FAM83H: variants seen among roughly 807,000 people sequenced by gnomAD.
FAM83H encodes the protein scaffolding CK1 anchoring protein H, also known as protein FAM83H.
Under a neutral mutation model 30.2 loss-of-function variants are expected in FAM83H, and 24 were observed. That is an observed-to-expected ratio of 0.79 (90% confidence interval 0.57 to 1.12). The LOEUF (loss-of-function observed/expected upper bound fraction) is 1.12. Among genes scored for constraint, FAM83H ranks in the 50% most tolerant of loss-of-function variants. FAM83H has a pLI of 0.00. For synonymous variants in FAM83H, 1,013 were observed against 821.7 expected (o/e 1.23, Z -3.98); for missense variants, 2,038 against 1,773.9 (o/e 1.15, Z -2.67).
In FAM83H at chr8:143,728,584, G is replaced by A. The variant is rs781905219; in HGVS notation, c.877C>T (p.Arg293Cys). The A allele has an allele frequency of 3.1e-6, 5 of 1,603,148 alleles. No homozygotes were observed. Among genetic ancestry groups the A allele is most frequent in the Non-Finnish European group, 4.3e-6 (5 of 1,175,950 alleles). ...GGAGCCAGGGCATAGGCGTCCATGC[G>A]GGCCAGGGCCGCGGCCGAGGGCACA... Reference protein sequence around the residue: ...PLVPSAAALARMDAYALAPYA... With the variant: ...PLVPSAAALACMDAYALAPYA... Residue 293 changes from arginine (R) to cysteine (C), a missense_variant, in exon 5 of 5, where the codon CGC becomes TGC. Physicochemically the swap from Arg to Cys is radical, Grantham distance 180 (BLOSUM62 -3). Transcript: ENST00000388913.
chr8:143,731,455 C>G, intron 1 of FAM83H: 1 of 985,438 alleles, frequency 1.0e-6, no homozygotes, highest in Middle Eastern at 5.2e-4. Flanking sequence ...CACATAGTCC[C>G]GGGCCACACC....
chr8:143,726,436 T>A lies in FAM83H; in HGVS notation c.3025A>T (p.Ser1009Cys), dbSNP rs782745300. 5.7e-5 allele frequency: 92 copies of A among 1,603,092 alleles called. No individual in the cohort carries two copies. Among genetic ancestry groups the A allele is most frequent in the Non-Finnish European group, 7.5e-5 (88 of 1,177,442 alleles). The change falls in exon 5 of 5, where the codon AGC becomes TGC. Residue 1009 changes from serine to cysteine, a missense_variant. Physicochemically the swap from Ser to Cys is moderately radical, Grantham distance 112 (BLOSUM62 -1). Transcript: ENST00000388913. ...PRRLSLGQGD[S>C]TEAATEERGP... ...CGCTCTTCTGTGGCAGCCTCCGTGC[T>A]GTCACCCTGGCCCAGTGACAGACGC...
Position 143,728,173 on chromosome 8 carries a change from A to T in FAM83H, c.1288T>A (p.Ser430Thr). ...CCGTGGCTGAGGAACGTCTGCCGCGACACCTGCCGCGCGGCCGCGAAGTTC... is the reference window on the plus strand; with the variant it reads ...CCGTGGCTGAGGAACGTCTGCCGCGTCACCTGCCGCGCGGCCGCGAAGTTC... ...VENFAAARQV[S>T]RQTFLSHGDD... Residue 430 changes from serine (S) to threonine (T), a missense_variant, in exon 5 of 5, where the codon TCG becomes ACG. By Grantham distance (58) the Ser-to-Thr change is moderately conservative (BLOSUM62 1). Transcript: ENST00000388913. The T allele has an allele frequency of 6.2e-7, 1 of 1,606,442 alleles. No homozygotes were observed. The highest frequency in any genetic ancestry group is 8.5e-7 in the Non-Finnish European group (1 of 1,178,732).
rs1818222375 is a variant in FAM83H at position 143,724,959 on chromosome 8, A to G, written c.*962T>C. On this transcript the variant is annotated 3_prime_UTR_variant, in exon 5 of 5. Transcript: ENST00000388913. ...CCGTCCCCAGAGGCCTGCCCTGTCC[A>G]GCTTCCTTGCCACTCCAAGGGGCAT... is the stretch of plus-strand genomic sequence containing the variant. 6.6e-6 allele frequency: 1 copy of G among 151,602 alleles called. No individual in the cohort carries two copies. The allele number at this position is 151,602 out of a possible 1,614,324, so 9.4% of individuals were successfully genotyped here. A position where few individuals can be genotyped will look rare whatever the true frequency, so the allele number is the denominator to read the frequency against.
chr8:143,730,099 C>A (rs1554623970), intron 2 of FAM83H, 37 bp downstream of exon 2: 3 of 1,485,906 alleles, frequency 2.0e-6, no homozygotes, highest in East Asian at 2.4e-5. Flanking sequence ...CTAGCCCAGG[C>A]CCCTCCCCCA....
Position 143,725,802 on chromosome 8 carries a change from C to G in FAM83H, c.*119G>C. 3 of 1,514,906 alleles carry G rather than the reference C, an allele frequency of 2.0e-6. No homozygotes were observed. Among genetic ancestry groups the G allele is most frequent in the Non-Finnish European group, 2.7e-6 (3 of 1,123,768 alleles). 93.8% of individuals were successfully genotyped at this position (1,514,906 alleles called of 1,614,324 possible). A position where few individuals can be genotyped will look rare whatever the true frequency, so the allele number is the denominator to read the frequency against. On this transcript the variant is annotated 3_prime_UTR_variant, in exon 5 of 5. Transcript: ENST00000388913. ...CTGGCGCACTCAGCCAAGCCCCAAGCGGCCGTGGCCTGACAGCCGCTGCTC... is the reference window on the plus strand; with the variant it reads ...CTGGCGCACTCAGCCAAGCCCCAAGGGGCCGTGGCCTGACAGCCGCTGCTC...
rs550981289 is a variant in FAM83H at position 143,725,365 on chromosome 8, G to C, written c.*556C>G. On this transcript the variant is annotated 3_prime_UTR_variant, in exon 5 of 5. Coordinates refer to ENST00000388913, the MANE Select transcript of FAM83H (RefSeq NM_198488.5). The stretch of plus-strand genomic sequence containing the variant: ...AATCCCCCCACTTTGGGAGGCTGAA[G>C]CGGGCTGATCATTTGAGGCCAGGAG... 47 of 166,742 alleles carry C rather than the reference G, an allele frequency of 2.8e-4. No homozygotes were observed. In the South Asian group the frequency reaches 6.9e-3, roughly 25 times the overall value. 10.3% of individuals were successfully genotyped at this position (166,742 alleles called of 1,614,324 possible). A position where few individuals can be genotyped will look rare whatever the true frequency, so the allele number is the denominator to read the frequency against.
rs974712327 is a variant in FAM83H at position 143,733,284 on chromosome 8, C to A, written c.-16+407G>T. The A allele has an allele frequency of 6.6e-6, 1 of 152,324 alleles. No individual in the cohort carries two copies. Among genetic ancestry groups the A allele is most frequent in the East Asian group, 1.9e-4 (1 of 5,140 alleles). The allele number at this position is 152,324 out of a possible 1,614,324, so 9.4% of individuals were successfully genotyped here. A position where few individuals can be genotyped will look rare whatever the true frequency, so the allele number is the denominator to read the frequency against. On this transcript the variant is annotated intron_variant, in intron 1 of 4. Coordinates refer to ENST00000388913, the MANE Select transcript of FAM83H (RefSeq NM_198488.5). The surrounding 1 kb of genome is among the most constrained non-coding windows in gnomAD (Gnocchi z 5.6). ...CCTGCTCGCCACGCGGGGATCCAGG[C>A]CGCACCCTGGCCACCCCAGTCCACG...
At position 143,726,434 on chromosome 8, in the gene FAM83H, G is replaced by T; in HGVS notation, c.3027C>A (p.Ser1009Arg). 1 of 1,603,024 alleles carries T rather than the reference G, an allele frequency of 6.2e-7. No individual in the cohort carries two copies. Among genetic ancestry groups the T allele is most frequent in the Non-Finnish European group, 8.5e-7 (1 of 1,177,328 alleles). ...CCCGCTCTTCTGTGGCAGCCTCCGT[G>T]CTGTCACCCTGGCCCAGTGACAGAC... ...PRRLSLGQGDSTEAATEERGP... is the reference protein window; with the variant it reads ...PRRLSLGQGDRTEAATEERGP... Residue 1009 changes from serine (S) to arginine (R), a missense_variant, in exon 5 of 5, where the codon AGC (serine) becomes AGA (arginine). Ser to Arg is a moderately radical substitution (Grantham distance 110). Coordinates refer to ENST00000388913, the MANE Select transcript of FAM83H (RefSeq NM_198488.5).
In FAM83H at chr8:143,733,536, C is replaced by G. The variant is rs1554625047; in HGVS notation, c.-16+155G>C. Among the ~76,000 whole-genome samples the G allele has an allele frequency of 6.6e-6, 1 of 151,764 alleles. No individual in the cohort carries two copies. Among genetic ancestry groups the G allele is most frequent in the African/African-American group, 2.4e-5 (1 of 41,370 alleles). ...GAGCAGCCCCGCCACCCCGGCCCCG[C>G]GCACGCGGCCGCGCTCCACTCCCAC... is the stretch of plus-strand genomic sequence containing the variant. On this transcript the variant is annotated intron_variant, in intron 1 of 4. Coordinates refer to ENST00000388913, the MANE Select transcript of FAM83H (RefSeq NM_198488.5). This position sits in a 1 kb window ranked among gnomAD's most constrained non-coding sequence, Gnocchi z 5.6.
At chr8:143,729,694 C>T (rs782577900) in intron 2 of FAM83H, among the ~76,000 whole-genome samples, 38 of 152,364 alleles carry the variant, frequency 2.5e-4, no homozygotes, top group East Asian at 1.3e-3. Context: ...TGCCCTGGGA[C>T]GGGGTTGTTG....
In FAM83H at chr8:143,726,125, G is replaced by A. The variant is rs1554621572; in HGVS notation, c.3336C>T (p.Ser1112=). The change falls in exon 5 of 5, where the codon AGC becomes AGT. Residue 1112 remains serine (S), a synonymous_variant. Transcript: ENST00000388913. ...QGRLSRTLPA[S]AEERDRLLRR... ...GCAGCAGCCGATCGCGCTCCTCCGC[G>A]CTGGCTGGCAGCGTGCGGCTCAGCC... The A allele has an allele frequency of 1.9e-6, 3 of 1,611,198 alleles. No homozygotes were observed. Among genetic ancestry groups the A allele is most frequent in the African/African-American group, 1.3e-5 (1 of 74,894 alleles).
In FAM83H at chr8:143,728,941, G is replaced by T. The variant is rs782446057; in HGVS notation, c.737+26C>A. The T allele has an allele frequency of 5.0e-6, 8 of 1,613,050 alleles. No homozygotes were observed. In the African/African-American group the frequency reaches 9.3e-5, roughly 19 times the overall value. Reference sequence around the variant, plus strand: ...GTTACAGGAGGAGGCCCCAGAGAAGGGGGTGAGGGAGCCCCGCGGGCGCAC... The same window carrying T: ...GTTACAGGAGGAGGCCCCAGAGAAGTGGGTGAGGGAGCCCCGCGGGCGCAC... On this transcript the variant is annotated intron_variant, in intron 4 of 4. Transcript: ENST00000388913.
At position 143,730,182 on chromosome 8, in the gene FAM83H, G is replaced by C; in HGVS notation, c.401C>G (p.Pro134Arg). ...CCTGCGGGCCTCATCCTTGATACTG[G>C]GGCTGTCGGGGGGCGGTGGCTGCAC... ...TLVQPPPPDSPSIKDEARRMI... is the reference protein window; with the variant it reads ...TLVQPPPPDSRSIKDEARRMI... Residue 134 changes from proline to arginine, a missense_variant, in exon 2 of 5, where the codon CCC (proline) becomes CGC (arginine). Coordinates refer to ENST00000388913, the MANE Select transcript of FAM83H (RefSeq NM_198488.5). The C allele has an allele frequency of 1.9e-6, 3 of 1,607,584 alleles. No individual in the cohort carries two copies. The highest frequency in any genetic ancestry group is 2.6e-6 in the Non-Finnish European group (3 of 1,175,722).
At position 143,727,842 on chromosome 8, in the gene FAM83H, G is replaced by GGGGCTCCGCT; in HGVS notation, c.1609_1618dup (p.Pro540GlnfsTer168). On this transcript the variant is annotated frameshift_variant, in exon 5 of 5. Transcript: ENST00000388913. LOFTEE classifies it low-confidence loss of function (END_TRUNC). Reference sequence around the variant, plus strand: ...GAAGCGCTGGGTCAGGTTGGGGCGCGGGGCTCCGCTGGGCTCCAGGCCGCG... The same window carrying GGGGCTCCGCT: ...GAAGCGCTGGGTCAGGTTGGGGCGCGGGGCTCCGCTGGGCTCCGCTGGGCTCCAGGCCGCG... 7.6e-7 allele frequency: 1 copy of GGGGCTCCGCT among 1,322,908 alleles called. No individual in the cohort carries two copies. The highest frequency in any genetic ancestry group is 9.6e-7 in the Non-Finnish European group (1 of 1,044,390). The allele number at this position is 1,322,908 out of a possible 1,614,324, so 81.9% of individuals were successfully genotyped here.
At position 143,726,537 on chromosome 8, in the gene FAM83H, G is replaced by C. The variant is rs1554621866; in HGVS notation, c.2924C>G (p.Pro975Arg). ...ATCCTCCATGCGCCGCTCGCCCTTG[G>C]GGCTCAGCAGCTGCCTAAGACGCAA... ...GSLRLRQLLSPKGERRMEDEG... is the reference protein window; with the variant it reads ...GSLRLRQLLSRKGERRMEDEG... Residue 975 changes from proline to arginine, a missense_variant, in exon 5 of 5, where the codon CCC becomes CGC. Transcript: ENST00000388913. The C allele has an allele frequency of 6.2e-7, 1 of 1,605,612 alleles. No homozygotes were observed. Among genetic ancestry groups the C allele is most frequent in the African/African-American group, 1.3e-5 (1 of 75,020 alleles).
At position 143,726,829 on chromosome 8, in the gene FAM83H, G is replaced by T; in HGVS notation, c.2632C>A (p.Arg878=). Residue 878 remains arginine (R), a synonymous_variant, in exon 5 of 5, where the codon CGG becomes AGG. Coordinates refer to ENST00000388913, the MANE Select transcript of FAM83H (RefSeq NM_198488.5). ...KGSPTSAYPE[R]KGSPTPGFST... ...AACCCAGGCGTGGGGCTCCCCTTCC[G>T]CTCAGGGTAAGCCGAGGTGGGGCTC... is the stretch of plus-strand genomic sequence containing the variant. 9 of 1,612,982 alleles carry T rather than the reference G, an allele frequency of 5.6e-6. No individual in the cohort carries two copies. The highest frequency in any genetic ancestry group is 7.6e-6 in the Non-Finnish European group (9 of 1,179,924).
Position 143,730,177 on chromosome 8 carries a change from T to C in FAM83H, c.406A>G (p.Ile136Val), listed in dbSNP as rs376169516. The C allele has an allele frequency of 8.1e-6, 13 of 1,606,918 alleles. No individual in the cohort carries two copies. Among genetic ancestry groups the C allele is most frequent in the Non-Finnish European group, 1.0e-5 (12 of 1,175,466 alleles). ...ATCATCCTGCGGGCCTCATCCTTGATACTGGGGCTGTCGGGGGGCGGTGGC... is the reference window on the plus strand; with the variant it reads ...ATCATCCTGCGGGCCTCATCCTTGACACTGGGGCTGTCGGGGGGCGGTGGC... ...VQPPPPDSPSIKDEARRMIRS... is the reference protein window; with the variant it reads ...VQPPPPDSPSVKDEARRMIRS... Residue 136 changes from isoleucine (I) to valine (V), a missense_variant, in exon 2 of 5, where the codon ATC (isoleucine) becomes GTC (valine). Ile to Val is a conservative substitution (Grantham distance 29). Transcript: ENST00000388913.
At chr8:143,731,747 G>A (rs1166211855) in intron 1 of FAM83H, 4 of 985,466 alleles carry the variant, frequency 4.1e-6, no homozygotes, top group East Asian at 1.1e-4. Context: ...CCCATCCAGG[G>A]CAGCAGGGAC....
Sources: allele counts gnomAD v4.1 joint callset (sites outside exome capture counted in the v4.1 genomes callset), GRCh38; gene constraint gnomAD v4.1.1; non-coding constraint Gnocchi (gnomAD v3.1); transcripts MANE v1.5; gene names NCBI Gene and HGNC (gene_info 2026-07-23, HGNC 2026-07-21).